The following ADGRV1 variants were observed in gnomAD, a reference collection of about 807,000 sequenced individuals.
ADGRV1 encodes adhesion G protein-coupled receptor V1.
In ADGRV1, 359 loss-of-function variants were observed where a neutral mutation model predicts 596.2. That is an observed-to-expected ratio of 0.60 (90% confidence interval 0.55 to 0.66). ADGRV1 has a LOEUF of 0.66. Among genes scored for constraint, ADGRV1 ranks in the 30% least tolerant of loss-of-function variants. The pLI is 0.00. For synonymous variants in ADGRV1, 2,681 were observed against 2,679.2 expected (o/e 1.00, Z -0.02); for missense variants, 7,274 against 7,575.6 (o/e 0.96, Z 1.48).
intron 59 of ADGRV1, among the ~76,000 whole-genome samples, chr5:90,773,813 T>C (rs1175021436): frequency 6.6e-6 from 1 of 152,216 alleles, no homozygotes; most frequent in Non-Finnish European, 1.5e-5. Context: ...ACAACTGTGA[T>C]CTAATGTCAT....
At chr5:90,725,400 C>G (rs1378603105) in intron 47 of ADGRV1, 149 bp from the exon 48 acceptor site, 1 of 693,680 alleles carries the variant, frequency 1.4e-6, no homozygotes, top group East Asian at 2.9e-5. Flanking sequence ...ATATTTTTGT[C>G]TTTTTAAAAT....
intron 53 of ADGRV1, among the ~76,000 whole-genome samples, chr5:90,751,545 A>G (rs929981407): frequency 6.6e-6 from 1 of 152,108 alleles, no homozygotes; most frequent in South Asian, 2.1e-4. Context: ...AGGTTCAAGA[A>G]TGGAATAAGA....
intron 2 of ADGRV1, among the ~76,000 whole-genome samples, chr5:90,615,622 A>T (rs183377621): frequency 1.0e-3 from 157 of 152,068 alleles, no homozygotes; most frequent in African/African-American, 2.9e-3. Flanking sequence ...AAGTACTTAT[A>T]CTTTTTGTTT....
intron 44 of ADGRV1, 88 bp downstream of exon 44, chr5:90,720,311 T>G (rs1750746769): frequency 1.2e-6 from 1 of 864,164 alleles, no homozygotes; most frequent in Admixed American, 3.3e-5. Flanking sequence ...AGGAAATTGA[T>G]ATCTGATTAT....
At chr5:90,921,129 A>G (rs1011497713) in intron 83 of ADGRV1, among the ~76,000 whole-genome samples, 2 of 152,200 alleles carry the variant, frequency 1.3e-5, no homozygotes, top group Non-Finnish European at 2.9e-5. Flanking sequence ...CCAAACTTGC[A>G]TGTTTACAAT....
chr5:90,891,335 C>G (rs1770803724), intron 83 of ADGRV1, among the ~76,000 whole-genome samples: 1 of 151,184 alleles, frequency 6.6e-6, no homozygotes, highest in South Asian at 2.1e-4. Flanking sequence ...ACAACACAAA[C>G]TGAAAGGTAA....
intron 83 of ADGRV1, among the ~76,000 whole-genome samples, chr5:90,901,833 C>A (rs1188303647): frequency 6.6e-6 from 1 of 151,998 alleles, no homozygotes; most frequent in Non-Finnish European, 1.5e-5. Context: ...AAATGGGATT[C>A]TGATAGCTTC....
chr5:90,759,301 T>C (rs1756189734), intron 57 of ADGRV1, 108 bp from the exon 58 acceptor site: 1 of 840,688 alleles, frequency 1.2e-6, no homozygotes, highest in South Asian at 2.0e-5. Context: ...ACTAAAAAAT[T>C]AAAATATATG....
intron 86 of ADGRV1, among the ~76,000 whole-genome samples, chr5:91,079,596 T>C (rs1052270452): frequency 6.6e-6 from 1 of 152,060 alleles, no homozygotes; most frequent in African/African-American, 2.4e-5. Flanking sequence ...AAAAGGAAAA[T>C]CATATTTTTG....
At chr5:90,726,217 T>G (rs1255979907) in intron 48 of ADGRV1, among the ~76,000 whole-genome samples, 1 of 152,204 alleles carries the variant, frequency 6.6e-6, no homozygotes, top group African/African-American at 2.4e-5. Flanking sequence ...TCCTCATTCC[T>G]GCTACGACAG....
At chr5:91,125,575 T>G (rs138467192) in intron 87 of ADGRV1, among the ~76,000 whole-genome samples, 1 of 152,316 alleles carries the variant, frequency 6.6e-6, no homozygotes, top group African/African-American at 2.4e-5. Context: ...GAATTCCAGT[T>G]AGAGTGCCAT....
chr5:91,117,336 A>G (rs1262187837), intron 87 of ADGRV1, among the ~76,000 whole-genome samples: 1 of 152,136 alleles, frequency 6.6e-6, no homozygotes, highest in Non-Finnish European at 1.5e-5. Flanking sequence ...GACTATGTTC[A>G]TGTATGTATT....
At chr5:90,951,935 A>C (rs1016948790) in intron 83 of ADGRV1, among the ~76,000 whole-genome samples, 2 of 152,206 alleles carry the variant, frequency 1.3e-5, no homozygotes, top group Non-Finnish European at 2.9e-5. Context: ...GACAATAGCT[A>C]AATTGCCATA....
chr5:90,906,561 C>T (rs1007271190), intron 83 of ADGRV1, among the ~76,000 whole-genome samples: 3 of 151,996 alleles, frequency 2.0e-5, no homozygotes, highest in African/African-American at 7.2e-5. Context: ...TCAGTGGTAT[C>T]AGTTATCAGT....
rs1580749186 is a variant in ADGRV1 at position 90,689,958 on chromosome 5, A to G, written c.6588A>G (p.Glu2196=). 6.2e-7 allele frequency: 1 copy of G among 1,612,074 alleles called. No individual in the cohort carries two copies. Among genetic ancestry groups the G allele is most frequent in the Non-Finnish European group, 8.5e-7 (1 of 1,178,928 alleles). The change falls in exon 30 of 90, where the codon GAA becomes GAG. Residue 2196 remains glutamate, a synonymous_variant. Transcript: ENST00000405460. The part of the protein sequence containing the change: ...PIYVINDIYP[E]LEESFLVQLM... ...ATGTCATTAATGATATCTATCCTGA[A>G]CTGGAAGAATCTTTTCTTGTGCAAC... is the stretch of plus-strand genomic sequence containing the variant.
intron 85 of ADGRV1, among the ~76,000 whole-genome samples, chr5:90,999,573 G>A (rs748749370): frequency 6.6e-6 from 1 of 152,100 alleles, no homozygotes; most frequent in South Asian, 2.1e-4. Flanking sequence ...TGGCAGAGTT[G>A]TAATGATAGA....
chr5:90,582,355 TTTATAAA>T (rs1758176699), intron 1 of ADGRV1, among the ~76,000 whole-genome samples: 1 of 152,222 alleles, frequency 6.6e-6, no homozygotes, highest in South Asian at 2.1e-4. Flanking sequence ...AAGATATTGT[TTTATAAA>T]TCTGGGTGCT....
At chr5:90,682,859 A>G (rs1214757907) in intron 27 of ADGRV1, among the ~76,000 whole-genome samples, 2 of 152,236 alleles carry the variant, frequency 1.3e-5, no homozygotes, top group Non-Finnish European at 1.5e-5. Flanking sequence ...ACAAAAGCAT[A>G]TCTTCCTTCT....
At chr5:90,859,212 A>G (rs1264627564) in intron 82 of ADGRV1, among the ~76,000 whole-genome samples, 10 of 152,136 alleles carry the variant, frequency 6.6e-5, no homozygotes, top group Non-Finnish European at 1.5e-4. Flanking sequence ...TCTGGCCTCA[A>G]GCGATCCTCC....
Sources: gnomAD v4.1 joint callset for allele counts (sites outside exome capture counted in the v4.1 genomes callset) on GRCh38, gnomAD v4.1.1 for gene constraint, MANE v1.5 for transcripts, NCBI Gene and HGNC (gene_info 2026-07-23, HGNC 2026-07-21) for gene names.